EPHA8: variants seen among roughly 807,000 people sequenced by gnomAD.
The protein encoded by EPHA8 is EPH receptor A8.
Under a neutral mutation model 103.6 loss-of-function variants are expected in EPHA8, and 58 were observed. The ratio of observed to expected loss-of-function variants is 0.56; its 90% CI spans 0.45 to 0.70. The LOEUF (loss-of-function observed/expected upper bound fraction) is 0.70, where lower values mean the gene tolerates loss of function less well. Ranked by LOEUF, EPHA8 falls within the 30% of genes least tolerant of loss-of-function variation. EPHA8 has a pLI of 0.00. For synonymous variants in EPHA8, 559 were observed against 572.5 expected, an observed-to-expected ratio of 0.98 and a Z score of 0.34; for missense variants, 1,304 against 1,395.2, an observed-to-expected ratio of 0.93 and a Z score of 1.04.
rs776390385 is a variant in EPHA8 at position 22,598,815 on chromosome 1, G to T, written c.2179-23G>T. The stretch of plus-strand genomic sequence containing the variant: ...AGGCGCCTCGCCGGGCTTTCCTGAA[G>T]TCCAAGCCATGTCCCCCTGCAGACC... On this transcript the variant is annotated intron_variant, in intron 12 of 16. Coordinates refer to ENST00000166244, the MANE Select transcript of EPHA8 (RefSeq NM_020526.5). The surrounding 1 kb of genome is among the most constrained non-coding windows in gnomAD (Gnocchi z 5.1). The T allele has an allele frequency of 6.2e-7, 1 of 1,607,704 alleles. No individual in the cohort carries two copies. The highest frequency in any genetic ancestry group is 1.3e-5 in the African/African-American group (1 of 74,894).
chr1:22,582,154 G>A (rs554590907), intron 3 of EPHA8, among the ~76,000 whole-genome samples: 8 of 152,318 alleles, frequency 5.3e-5, no homozygotes, highest in Non-Finnish European at 1.0e-4. Flanking sequence ...CCAGCCTGAG[G>A]GAGTCTTCAG....
In EPHA8 at chr1:22,598,531, C is replaced by T. The variant is rs1641586770; in HGVS notation, c.2179-307C>T. On this transcript the variant is annotated intron_variant, in intron 12 of 16. Transcript: ENST00000166244. The surrounding 1 kb of genome is among the most constrained non-coding windows in gnomAD (Gnocchi z 5.1). ...GGTGGAGACGGCTGGATTCCCAGCT[C>T]CTGCCCACAGTTTCTTTGCTGGGTG... 6.6e-6 allele frequency among the ~76,000 whole-genome samples: 1 copy of T among 151,918 alleles called. No individual in the cohort carries two copies. The highest frequency in any genetic ancestry group is 6.6e-5 in the Admixed American group (1 of 15,256).
At chr1:22,591,616 A>T (rs61767310) in intron 5 of EPHA8, among the ~76,000 whole-genome samples, 4,425 of 152,240 alleles carry the variant, frequency 0.029, 75 homozygotes, top group South Asian at 0.05. Flanking sequence ...CAATTCAGAC[A>T]TTCTCATGGC....
rs1640340371 is a variant in EPHA8, at chr1:22,565,737, G to A, written c.94+2008G>A. 4.6e-5 allele frequency among the ~76,000 whole-genome samples: 7 copies of A among 152,322 alleles called. No individual in the cohort carries two copies. In the South Asian group the frequency reaches 1.5e-3, roughly 32 times the overall value. ...GAGGGGACCTGTGCAGTGGGTGGGG[G>A]CCAGCAGCTGAGGAAGAGGCAAGGT... On this transcript the variant is annotated intron_variant, in intron 1 of 16. Transcript: ENST00000166244.
At position 22,589,344 on chromosome 1, in the gene EPHA8, C is replaced by G. The variant is rs547155819; in HGVS notation, c.1315+138C>G. The G allele has an allele frequency of 5.6e-6, 9 of 1,598,836 alleles. No individual in the cohort carries two copies. In the East Asian group the frequency reaches 2.0e-4, roughly 36 times the overall value. ...GCCTCTCTGGCCCTGCGCTCCTCAC[C>G]AGGACCCAGAGCTGGAGGCTCTTCA... is the stretch of plus-strand genomic sequence containing the variant. On this transcript the variant is annotated intron_variant, in intron 5 of 16. Transcript: ENST00000166244. The surrounding 1 kb of genome is among the most constrained non-coding windows in gnomAD (Gnocchi z 4.3).
chr1:22,592,810 G>T (rs922433722), intron 5 of EPHA8, among the ~76,000 whole-genome samples: 1 of 136,350 alleles, frequency 7.3e-6, no homozygotes, highest in East Asian at 2.6e-4. Flanking sequence ...AGGGAGAGAT[G>T]CATGAAGAAA....
Position 22,601,977 on chromosome 1 carries a change from C to A in EPHA8, c.*236C>A. ...ACCTGTCCCCCAGGGCAGGCACCTT[C>A]TCTTTTCCAGAGCCTGGGGCCTCCA... On this transcript the variant is annotated 3_prime_UTR_variant, in exon 17 of 17. Transcript: ENST00000166244. 1 of 578,268 alleles carries A rather than the reference C, an allele frequency of 1.7e-6. No homozygotes were observed. Among genetic ancestry groups the A allele is most frequent in the Non-Finnish European group, 3.0e-6 (1 of 331,388 alleles). The allele number at this position is 578,268 out of a possible 1,614,324, so 35.8% of individuals were successfully genotyped here. A position where few individuals can be genotyped will look rare whatever the true frequency, so the allele number is the denominator to read the frequency against.
chr1:22,578,695 GC>G (rs1557561332), intron 3 of EPHA8, among the ~76,000 whole-genome samples: 9 of 132,934 alleles, frequency 6.8e-5, no homozygotes, highest in Middle Eastern at 3.6e-3. Context: ...GTGTATGTGT[GC>G]CTGTGTGTGT....
chr1:22,564,157 C>G (rs1411519314), intron 1 of EPHA8, among the ~76,000 whole-genome samples: 3 of 110,310 alleles, frequency 2.7e-5, no homozygotes, highest in Admixed American at 1.2e-4. Context: ...GTTGGAGGGA[C>G]AGGAGAATGG....
Position 22,596,112 on chromosome 1 carries a change from T to C in EPHA8, c.1704T>C (p.Cys568=), listed in dbSNP as rs1445136771. ...LLLLICKKRH[C]GYSKAFQDSD... is the part of the protein sequence containing the mutation. ...GCGGTGCCCTCCTCTGCAGGCACTG[T>C]GGCTACAGCAAGGCCTTCCAGGACT... The change falls in exon 9 of 17, where the codon TGT becomes TGC. Residue 568 remains cysteine (C), a synonymous_variant. Coordinates refer to ENST00000166244, the MANE Select transcript of EPHA8 (RefSeq NM_020526.5). The C allele has an allele frequency of 6.2e-7, 1 of 1,613,816 alleles. No homozygotes were observed. The highest frequency in any genetic ancestry group is 8.5e-7 in the Non-Finnish European group (1 of 1,179,950).
At chr1:22,570,727 C>T (rs897908070) in intron 2 of EPHA8, among the ~76,000 whole-genome samples, 1 of 152,242 alleles carries the variant, frequency 6.6e-6, no homozygotes, top group African/African-American at 2.4e-5. Flanking sequence ...GGGCAGGCCA[C>T]ATGGCCCTGG....
At chr1:22,585,050 T>TGTGTGC (rs71020436) in intron 3 of EPHA8, among the ~76,000 whole-genome samples, 106 of 93,514 alleles carry the variant, frequency 1.1e-3, no homozygotes, top group African/African-American at 3.8e-3. Context: ...TGTGTGTGTG[T>TGTGTGC]GCGCACGCGT....
intron 7 of EPHA8, 57 bp from the exon 8 acceptor site, chr1:22,595,173 C>G: frequency 1.4e-6 from 2 of 1,472,144 alleles, no homozygotes; most frequent in South Asian, 2.5e-5. Flanking sequence ...TGCCAGACCC[C>G]TGGGCCCAAG....
intron 3 of EPHA8, among the ~76,000 whole-genome samples, chr1:22,577,365 A>G (rs1187985732): frequency 2.0e-5 from 3 of 152,208 alleles, no homozygotes; most frequent in South Asian, 4.1e-4. Context: ...GCCCAAGGTC[A>G]TGCAGCTGGG....
At position 22,593,517 on chromosome 1, in the gene EPHA8, G is replaced by C; in HGVS notation, c.1441-7G>C. 6.2e-7 allele frequency: 1 copy of C among 1,611,244 alleles called. No homozygotes were observed. Among genetic ancestry groups the C allele is most frequent in the South Asian group, 1.1e-5 (1 of 90,866 alleles). On this transcript the variant is annotated splice_region_variant and splice_polypyrimidine_tract_variant and intron_variant, in intron 6 of 16. Transcript: ENST00000166244. ...GGCAGGGCCCACTGACCACCGTCCC[G>C]TGGCAGGACAAGGAGATGCAGAGCT...
rs1330578538 is a variant in EPHA8, at chr1:22,576,654, C to G, written c.597C>G (p.Ile199Met). 1 of 1,613,818 alleles carries G rather than the reference C, an allele frequency of 6.2e-7. No homozygotes were observed. ...GACLAILSLR[I>M]YYKKCPAMVR... Reference sequence around the variant, plus strand: ...GCCTGGCCATCCTCTCTCTCCGCATCTACTATAAGAAGTGCCCTGCCATGG... The same window carrying G: ...GCCTGGCCATCCTCTCTCTCCGCATGTACTATAAGAAGTGCCCTGCCATGG... Residue 199 changes from isoleucine (I) to methionine (M), a missense_variant, in exon 3 of 17, where the codon ATC (isoleucine) becomes ATG (methionine). Ile to Met is a conservative substitution (Grantham distance 10). Transcript: ENST00000166244. The surrounding 1 kb of genome is among the most constrained non-coding windows in gnomAD (Gnocchi z 4.8).
intron 13 of EPHA8, among the ~76,000 whole-genome samples, chr1:22,600,163 AGG>A (rs1641677000): frequency 9.2e-6 from 1 of 108,428 alleles, no homozygotes; most frequent in African/African-American, 3.4e-5. Context: ...GGAAGGAGGG[AGG>A]CAGGAAGGAA....
intron 3 of EPHA8, among the ~76,000 whole-genome samples, chr1:22,580,466 A>C (rs563804596): frequency 6.6e-6 from 1 of 152,116 alleles, no homozygotes; most frequent in African/African-American, 2.4e-5. Context: ...AAGAAATCTC[A>C]TTTCACATCC....
At chr1:22,591,963 C>T (rs549720761) in intron 5 of EPHA8, among the ~76,000 whole-genome samples, 127 of 152,176 alleles carry the variant, frequency 8.3e-4, no homozygotes, top group Admixed American at 2.2e-3. Context: ...GTTTATTGGA[C>T]GCCCTGTCTC....
Sources: allele counts gnomAD v4.1 joint callset (sites outside exome capture counted in the v4.1 genomes callset), GRCh38; gene constraint gnomAD v4.1.1; non-coding constraint Gnocchi (gnomAD v3.1); transcripts MANE v1.5; gene names NCBI Gene and HGNC (gene_info 2026-07-23, HGNC 2026-07-21).